KCNC4: variants seen among roughly 807,000 people sequenced by gnomAD.
The protein encoded by KCNC4 is potassium voltage-gated channel subfamily C member 4.
A neutral mutation model predicts 42.8 loss-of-function variants in KCNC4; 23 were observed. The ratio of observed to expected loss-of-function variants is 0.54; its 90% CI spans 0.39 to 0.76. The LOEUF (loss-of-function observed/expected upper bound fraction) is 0.76. Among genes scored for constraint, KCNC4 ranks in the 30% least tolerant of loss-of-function variants. The pLI is 0.00. For synonymous variants in KCNC4, 422 were observed against 393.5 expected (o/e 1.07, Z -0.86); for missense variants, 751 against 898.2 (o/e 0.84, Z 2.10).
chr1:110,231,599 G>A (rs1658697346), intron 3 of KCNC4, among the ~76,000 whole-genome samples: 1 of 152,122 alleles, frequency 6.6e-6, no homozygotes, highest in African/African-American at 2.4e-5. Flanking sequence ...ATTGCCTACT[G>A]GGAGCCCAGA....
chr1:110,254,136 A>G (rs1659292067), intron 1 of KCNC4, among the ~76,000 whole-genome samples: 1 of 148,554 alleles, frequency 6.7e-6, no homozygotes, highest in Admixed American at 6.8e-5. Flanking sequence ...GCAGGGTTCC[A>G]GGAGGGAACC....
downstream of KCNC4, among the ~76,000 whole-genome samples, chr1:110,251,530 T>C (rs780870396): frequency 1.3e-5 from 2 of 152,204 alleles, no homozygotes; most frequent in African/African-American, 2.4e-5. Flanking sequence ...CTCTTTCTTT[T>C]GTAAATAACT....
chr1:110,248,584 C>G (rs1659197495), exon 4 of KCNC4: 1 of 152,048 alleles, frequency 6.6e-6, no homozygotes, highest in African/African-American at 2.4e-5. Context: ...CCTTTTAAAT[C>G]CCAGTTCCTC....
downstream of KCNC4, among the ~76,000 whole-genome samples, chr1:110,253,392 T>A (rs889837989): frequency 1.3e-5 from 2 of 152,250 alleles, no homozygotes; most frequent in Admixed American, 1.3e-4. Flanking sequence ...TCTACAAGTG[T>A]CTTCACAGTG....
At chr1:110,243,051 G>T (rs1296509172) in exon 4 of KCNC4, 3 of 152,310 alleles carry the variant, frequency 2.0e-5, no homozygotes, top group Admixed American at 6.5e-5. Context: ...AACATCTCCA[G>T]ATTTTGCCCA....
intron 1 of KCNC4, 91 bp downstream of exon 1, chr1:110,212,268 G>A (rs1657517594): frequency 5.4e-6 from 7 of 1,286,402 alleles, no homozygotes; most frequent in East Asian, 6.1e-5. Context: ...CAGGGACCGA[G>A]CCTGACTTAC....
At position 110,211,144 on chromosome 1, in the gene KCNC4, T is replaced by C. The variant is rs569403139; in HGVS notation, c.-356T>C. ...TGCGCGTGGACTGTGCGCTTCCTCG[T>C]CTTTGGTCGGGGTGAAGGCGGGGGC... On this transcript the variant is annotated 5_prime_UTR_variant, in exon 1 of 4. Coordinates refer to ENST00000438661, the MANE Select transcript of KCNC4 (RefSeq NM_001039574.3). The surrounding 1 kb of genome is among the most constrained non-coding windows in gnomAD (Gnocchi z 6.5). Among the ~76,000 whole-genome samples, 2 of 152,328 alleles carry C rather than the reference T, an allele frequency of 1.3e-5. No homozygotes were observed. Among genetic ancestry groups the C allele is most frequent in the Admixed American group, 6.5e-5 (1 of 15,310 alleles).
At chr1:110,253,737 A>G (rs1258123760), downstream of KCNC4, among the ~76,000 whole-genome samples, 1 of 152,138 alleles carries the variant, frequency 6.6e-6, no homozygotes, top group Admixed American at 6.5e-5. Flanking sequence ...CAGAGCCATG[A>G]GAAGGGAGCC....
intron 1 of KCNC4, among the ~76,000 whole-genome samples, chr1:110,258,788 G>C (rs1386956377): frequency 6.6e-6 from 1 of 152,136 alleles, no homozygotes; most frequent in Admixed American, 6.5e-5. Context: ...CCTATGAGGA[G>C]GCATGGAGCA....
intron 3 of KCNC4, among the ~76,000 whole-genome samples, chr1:110,227,172 C>T (rs1367248974): frequency 6.6e-6 from 1 of 152,218 alleles, no homozygotes; most frequent in Non-Finnish European, 1.5e-5. Context: ...TCCCCCACTT[C>T]CCTCTGTCCC....
chr1:110,241,164 CT>C (rs1329821734), exon 4 of KCNC4: 1 of 152,128 alleles, frequency 6.6e-6, no homozygotes, highest in Non-Finnish European at 1.5e-5. Flanking sequence ...TGGAAAGTTG[CT>C]CTCTAATACT....
chr1:110,222,029 G>T (rs1443186362), intron 1 of KCNC4: 2 of 152,228 alleles, frequency 1.3e-5, no homozygotes, highest in East Asian at 1.9e-4. Flanking sequence ...CAGCTGTCGA[G>T]ATCAGCCCCT....
intron 1 of KCNC4, among the ~76,000 whole-genome samples, chr1:110,259,031 T>G (rs1353197306): frequency 6.6e-6 from 1 of 152,250 alleles, no homozygotes; most frequent in African/African-American, 2.4e-5. Context: ...TGGGTAAGGC[T>G]CAGCCTTTGC....
Position 110,259,161 on chromosome 1 carries a change from G to T in KCNC4, n.31-23373G>T, listed in dbSNP as rs538334258. On this transcript the variant is annotated intron_variant and non_coding_transcript_variant, in intron 1 of 2. Transcript: ENST00000412512. Reference sequence around the variant, plus strand: ...TTCCCCACAGTAAGCCAAAGGCTGGGCCCAGGCATCCTGACCCCTACTGTC... The same window carrying T: ...TTCCCCACAGTAAGCCAAAGGCTGGTCCCAGGCATCCTGACCCCTACTGTC... Among the ~76,000 whole-genome samples, 7 of 152,266 alleles carry T rather than the reference G, an allele frequency of 4.6e-5. No individual in the cohort carries two copies. In the South Asian group the frequency reaches 1.5e-3, roughly 32 times the overall value.
downstream of KCNC4, among the ~76,000 whole-genome samples, chr1:110,254,095 G>C (rs202137309): frequency 2.5e-3 from 342 of 134,556 alleles, 13 homozygotes; most frequent in Admixed American, 5.4e-3. Context: ...GAAGTCGGGG[G>C]GGGGGCGGCG....
rs775676068 is a variant in KCNC4 at position 110,212,194 on chromosome 1, C to T, written c.678+17C>T. The T allele has an allele frequency of 5.5e-6, 8 of 1,457,532 alleles. No individual in the cohort carries two copies. Among genetic ancestry groups the T allele is most frequent in the South Asian group, 2.9e-5 (2 of 68,718 alleles). The allele number at this position is 1,457,532 out of a possible 1,614,324, so 90.3% of individuals were successfully genotyped here. ...GCCGCTAGGGTGAGTGGCAGGAGCC[C>T]GTGTCTCCCCATCTTGGGTCTGCAA... On this transcript the variant is annotated intron_variant, in intron 1 of 3. Coordinates refer to ENST00000438661, the MANE Select transcript of KCNC4 (RefSeq NM_001039574.3).
In KCNC4 at chr1:110,211,877, C is replaced by G. The variant is rs1226928423; in HGVS notation, c.378C>G (p.Phe126Leu). ...HCPADVCGPL[F>L]EEELTFWGID... ...CCGCGGACGTGTGCGGGCCGCTCTT[C>G]GAAGAGGAGCTCACCTTCTGGGGCA... The change falls in exon 1 of 4, where the codon TTC (phenylalanine) becomes TTG (leucine). Residue 126 changes from phenylalanine to leucine, a missense_variant. Transcript: ENST00000438661. The surrounding 1 kb of genome is among the most constrained non-coding windows in gnomAD (Gnocchi z 6.5). 6.2e-6 allele frequency: 10 copies of G among 1,611,734 alleles called. No individual in the cohort carries two copies. Among genetic ancestry groups the G allele is most frequent in the Non-Finnish European group, 8.5e-6 (10 of 1,179,844 alleles).
At chr1:110,259,150 C>A (rs1031687595) in intron 1 of KCNC4, among the ~76,000 whole-genome samples, 6 of 152,194 alleles carry the variant, frequency 3.9e-5, no homozygotes, top group Non-Finnish European at 8.8e-5. Flanking sequence ...CCACAGTAAG[C>A]CAAAGGCTGG....
At position 110,211,550 on chromosome 1, in the gene KCNC4, C is replaced by G. The variant is rs913923591; in HGVS notation, c.51C>G (p.Asn17Lys). The G allele has an allele frequency of 6.2e-6, 10 of 1,613,984 alleles. No individual in the cohort carries two copies. Among genetic ancestry groups the G allele is most frequent in the African/African-American group, 2.7e-5 (2 of 74,944 alleles). Residue 17 changes from asparagine (N) to lysine (K), a missense_variant, in exon 1 of 4, where the codon AAC (asparagine) becomes AAG (lysine). This residue lies in a region of KCNC4 where 183 missense variants were observed against 255.8 expected (regional missense o/e 0.72). Transcript: ENST00000438661. This position sits in a 1 kb window ranked among gnomAD's most constrained non-coding sequence, Gnocchi z 6.5. Reference protein sequence around the residue: ...VSSYRGRKSGNKPPSKTCLKE... With the variant: ...VSSYRGRKSGKKPPSKTCLKE... ...CCTACCGCGGGCGCAAGTCGGGGAACAAGCCTCCGTCCAAAACATGTCTGA... is the reference window on the plus strand; with the variant it reads ...CCTACCGCGGGCGCAAGTCGGGGAAGAAGCCTCCGTCCAAAACATGTCTGA...
Sources: gnomAD v4.1 joint callset for allele counts (sites outside exome capture counted in the v4.1 genomes callset) on GRCh38, gnomAD v4.1.1 for gene constraint, gnomAD v4.1.1 regional missense constraint, Gnocchi (gnomAD v3.1) non-coding constraint, MANE v1.5 for transcripts, NCBI Gene and HGNC (gene_info 2026-07-23, HGNC 2026-07-21) for gene names.